MBD5: variants seen among roughly 807,000 people sequenced by gnomAD.
The protein encoded by MBD5 is methyl-CpG binding domain protein 5.
Under a neutral mutation model 117.3 loss-of-function variants are expected in MBD5, and 13 were observed. The ratio of observed to expected loss-of-function variants is 0.11; its 90% CI spans 0.07 to 0.18. The LOEUF is 0.18. MBD5 is among the 10% of genes least tolerant of loss of function. MBD5 has a pLI of 1.00. For missense variants in MBD5, 1,879 were observed against 2,093.8 expected, an observed-to-expected ratio of 0.90 and a Z score of 2.00; for synonymous variants, 727 against 766.4, an observed-to-expected ratio of 0.95 and a Z score of 0.85.
At chr2:148,168,977 T>C (rs1281689305) in intron 1 of MBD5, among the ~76,000 whole-genome samples, 1 of 148,698 alleles carries the variant, frequency 6.7e-6, no homozygotes, top group African/African-American at 2.5e-5. Context: ...TATATACGTA[T>C]AATATATATA....
At chr2:148,489,016 G>C (rs1392158863) in intron 10 of MBD5, among the ~76,000 whole-genome samples, 1 of 152,176 alleles carries the variant, frequency 6.6e-6, no homozygotes, top group African/African-American at 2.4e-5. Context: ...GATTACCTGT[G>C]ACTTGACTCT....
intron 5 of MBD5, among the ~76,000 whole-genome samples, chr2:148,460,465 G>T (rs1707033782): frequency 6.6e-6 from 1 of 152,240 alleles, no homozygotes; most frequent in African/African-American, 2.4e-5. Flanking sequence ...AACCAGCATA[G>T]ATTTAATTTG....
chr2:148,129,666 T>C (rs748638180), intron 1 of MBD5, among the ~76,000 whole-genome samples: 3 of 152,132 alleles, frequency 2.0e-5, no homozygotes, highest in Non-Finnish European at 4.4e-5. Context: ...GTTTTAAGAG[T>C]ATAGCAATTT....
At chr2:148,063,690 T>C (rs1274652027) in intron 1 of MBD5, among the ~76,000 whole-genome samples, 1 of 151,936 alleles carries the variant, frequency 6.6e-6, no homozygotes, top group African/African-American at 2.4e-5. Flanking sequence ...TAATGGCCTC[T>C]CTATTGGTGG....
chr2:148,337,448 C>T (rs892747677), intron 3 of MBD5, among the ~76,000 whole-genome samples: 6 of 152,134 alleles, frequency 3.9e-5, no homozygotes, highest in African/African-American at 1.2e-4. Context: ...GTTGACAAAA[C>T]ATCTTACACG....
intron 4 of MBD5, among the ~76,000 whole-genome samples, chr2:148,379,037 C>T (rs923879677): frequency 6.6e-6 from 1 of 151,872 alleles, no homozygotes; most frequent in African/African-American, 2.4e-5. Context: ...ATGTGAAATT[C>T]TGAGACTAGT....
chr2:148,082,104 A>G lies in MBD5; in HGVS notation c.-925+60420A>G, dbSNP rs146013697. 3.4e-3 allele frequency among the ~76,000 whole-genome samples: 512 copies of G among 152,202 alleles called. 5 individuals carry two copies. Among genetic ancestry groups the G allele is most frequent in the Non-Finnish European group, 6.5e-4 (44 of 68,004 alleles). On this transcript the variant is annotated intron_variant, in intron 1 of 13. Coordinates refer to ENST00000642680, the MANE Select transcript of MBD5 (RefSeq NM_001378120.1). ...TCTTTGAGGAAATACTTCGCACTTC[A>G]TATGCAAAACCAGAGGCATTTCTCA...
intron 3 of MBD5, among the ~76,000 whole-genome samples, chr2:148,326,158 C>G (rs1461899652): frequency 1.3e-5 from 2 of 152,286 alleles, no homozygotes; most frequent in Non-Finnish European, 2.9e-5. Context: ...GAGTGAGATT[C>G]TTAATCCTGA....
At chr2:148,196,144 T>C (rs988430207) in intron 2 of MBD5, 2 of 152,196 alleles carry the variant, frequency 1.3e-5, no homozygotes, top group Non-Finnish European at 2.9e-5. Flanking sequence ...TTGAAACTCA[T>C]GTTTCTTAAT....
At chr2:148,161,989 T>A (rs1698016742) in intron 1 of MBD5, among the ~76,000 whole-genome samples, 1 of 152,220 alleles carries the variant, frequency 6.6e-6, no homozygotes, top group African/African-American at 2.4e-5. Context: ...ATGTGAGTGG[T>A]CTGCTCATAT....
chr2:148,440,094 T>G (rs896926059), intron 4 of MBD5, among the ~76,000 whole-genome samples: 2 of 152,198 alleles, frequency 1.3e-5, no homozygotes, highest in Non-Finnish European at 2.9e-5. Context: ...CTTACGAATT[T>G]TTACTAATGA....
At chr2:148,141,543 G>GT (rs1423420912) in intron 1 of MBD5, among the ~76,000 whole-genome samples, 7 of 152,168 alleles carry the variant, frequency 4.6e-5, no homozygotes, top group Admixed American at 4.6e-4. Context: ...AATGAAAGTT[G>GT]TCAGAAAATT....
chr2:148,364,199 TAAAG>T (rs746203812), intron 4 of MBD5, among the ~76,000 whole-genome samples: 7 of 152,100 alleles, frequency 4.6e-5, no homozygotes, highest in Non-Finnish European at 8.8e-5. Flanking sequence ...TCAACATTCT[TAAAG>T]AAAAGAATTT....
intron 1 of MBD5, among the ~76,000 whole-genome samples, chr2:148,119,481 A>G (rs1696716297): frequency 6.6e-6 from 1 of 152,098 alleles, no homozygotes; most frequent in Admixed American, 6.5e-5. Flanking sequence ...ATGGTGTTCT[A>G]TGCAGTACGA....
At chr2:148,341,732 T>C (rs1190113245) in intron 3 of MBD5, among the ~76,000 whole-genome samples, 1 of 151,982 alleles carries the variant, frequency 6.6e-6, no homozygotes, top group Admixed American at 6.6e-5. Flanking sequence ...AAGCCTCAAT[T>C]ACCACATTTT....
At chr2:148,428,365 A>C (rs1364279518) in intron 4 of MBD5, among the ~76,000 whole-genome samples, 1 of 152,178 alleles carries the variant, frequency 6.6e-6, no homozygotes, top group Admixed American at 6.6e-5. Context: ...TAAATGGAAA[A>C]ACGTTCCATG....
intron 3 of MBD5, among the ~76,000 whole-genome samples, chr2:148,314,384 T>C (rs1302367364): frequency 1.4e-5 from 2 of 146,938 alleles, no homozygotes; most frequent in Non-Finnish European, 3.0e-5. Flanking sequence ...TGGTTTTTTT[T>C]TTTTTTTTTT....
At chr2:148,386,338 A>C (rs569352520) in intron 4 of MBD5, among the ~76,000 whole-genome samples, 16 of 152,322 alleles carry the variant, frequency 1.1e-4, no homozygotes, top group African/African-American at 3.8e-4. Context: ...TAATTAGTTA[A>C]AAATTAAGAA....
intron 1 of MBD5, among the ~76,000 whole-genome samples, chr2:148,067,040 G>A (rs1260648245): frequency 6.6e-6 from 1 of 152,190 alleles, no homozygotes; most frequent in Admixed American, 6.5e-5. Context: ...TATTCAGTAA[G>A]TATTTGTTGA....
Sources: gnomAD v4.1 joint callset for allele counts (sites outside exome capture counted in the v4.1 genomes callset) on GRCh38, gnomAD v4.1.1 for gene constraint, MANE v1.5 for transcripts, NCBI Gene and HGNC (gene_info 2026-07-23, HGNC 2026-07-21) for gene names.